Variants in CCDC3 observed in about 807,000 individuals in gnomAD.
The protein encoded by CCDC3 is coiled-coil domain-containing protein 3.
A neutral mutation model predicts 21.4 loss-of-function variants in CCDC3; 24 were observed. The observed-to-expected ratio is 1.12, with a 90% CI of 0.81 to 1.58. The LOEUF is 1.58. Among genes scored for constraint, CCDC3 ranks in the 40% most tolerant of loss-of-function variants. The pLI is 0.00. For missense variants in CCDC3, 425 were observed against 360.9 expected (o/e 1.18, Z -1.44); for synonymous variants, 186 against 166.0 (o/e 1.12, Z -0.93).
At chr10:13,039,481 T>C (rs780472573) in intron 5 of CCDC3, among the ~76,000 whole-genome samples, 4 of 152,192 alleles carry the variant, frequency 2.6e-5, no homozygotes, top group South Asian at 2.1e-4. Flanking sequence ...TTTGGTTATT[T>C]ACACTGGAAT....
chr10:12,982,403 G>T (rs1835512373), intron 2 of CCDC3, among the ~76,000 whole-genome samples: 1 of 151,804 alleles, frequency 6.6e-6, no homozygotes, highest in Non-Finnish European at 1.5e-5. Context: ...AGATGAAAAA[G>T]TTCTAGAAAT....
At chr10:12,982,119 CT>C (rs1215971535) in intron 2 of CCDC3, among the ~76,000 whole-genome samples, 1 of 47,958 alleles carries the variant, frequency 2.1e-5, no homozygotes, top group Non-Finnish European at 3.2e-5. Context: ...GAGACTCTGT[CT>C]CAAAAAAAAA....
intron 2 of CCDC3, among the ~76,000 whole-genome samples, chr10:12,985,085 A>G (rs1049621837): frequency 2.6e-5 from 4 of 152,216 alleles, no homozygotes; most frequent in Admixed American, 6.5e-5. Flanking sequence ...TACTCTACCC[A>G]AAAACTTTTA....
At chr10:12,942,487 C>T (rs905804802) in intron 2 of CCDC3, among the ~76,000 whole-genome samples, 3 of 152,150 alleles carry the variant, frequency 2.0e-5, no homozygotes, top group Non-Finnish European at 4.4e-5. Context: ...GAAGCTTGCA[C>T]GGGTGAATGC....
intron 2 of CCDC3, among the ~76,000 whole-genome samples, chr10:12,994,953 T>A (rs1753263329): frequency 1.3e-5 from 2 of 151,796 alleles, no homozygotes; most frequent in South Asian, 4.2e-4. Context: ...TGATGGCACA[T>A]ACCTGTAATC....
At chr10:13,055,061 G>A (rs1200836475) in intron 4 of CCDC3, among the ~76,000 whole-genome samples, 1 of 152,202 alleles carries the variant, frequency 6.6e-6, no homozygotes, top group Non-Finnish European at 1.5e-5. Flanking sequence ...GCAGGCAGCT[G>A]CAAACAAGTG....
At chr10:12,989,835 G>C (rs1446399092) in intron 2 of CCDC3, among the ~76,000 whole-genome samples, 1 of 152,122 alleles carries the variant, frequency 6.6e-6, no homozygotes, top group Non-Finnish European at 1.5e-5. Flanking sequence ...GCAACAGCAA[G>C]GCAAGTTAAA....
At chr10:13,072,163 G>A (rs1167620893) in intron 4 of CCDC3, among the ~76,000 whole-genome samples, 2 of 152,054 alleles carry the variant, frequency 1.3e-5, no homozygotes, top group Non-Finnish European at 1.5e-5. Flanking sequence ...TTTGATATAT[G>A]TTTCCTAATA....
chr10:13,040,947 G>A (rs762027421), intron 5 of CCDC3, among the ~76,000 whole-genome samples: 1 of 152,066 alleles, frequency 6.6e-6, no homozygotes, highest in Non-Finnish European at 1.5e-5. Flanking sequence ...TTAAGACCTT[G>A]AGAATCTTTC....
intron 4 of CCDC3, chr10:13,058,758 A>T (rs1836714851): frequency 4.6e-6 from 1 of 215,580 alleles, no homozygotes; most frequent in Non-Finnish European, 9.2e-6. Flanking sequence ...GTAAATATGT[A>T]TGAATTTTTA....
chr10:12,928,607 C>G (rs1013315180), intron 2 of CCDC3, among the ~76,000 whole-genome samples: 2 of 152,172 alleles, frequency 1.3e-5, no homozygotes, highest in Non-Finnish European at 2.9e-5. Context: ...TCCTGTTAGA[C>G]GTGTATATTT....
chr10:13,072,672 T>A (rs935236898), intron 4 of CCDC3, among the ~76,000 whole-genome samples: 3 of 140,282 alleles, frequency 2.1e-5, no homozygotes, highest in Non-Finnish European at 3.2e-5. Flanking sequence ...CTTTGCTGAG[T>A]TTTTTCTTTT....
At chr10:13,017,272 T>G (rs1246671207) in intron 5 of CCDC3, among the ~76,000 whole-genome samples, 1 of 151,772 alleles carries the variant, frequency 6.6e-6, no homozygotes, top group Non-Finnish European at 1.5e-5. Context: ...ATCCCAGTAC[T>G]TTGGGAGGCC....
At chr10:12,937,357 T>C (rs1057050335) in intron 2 of CCDC3, among the ~76,000 whole-genome samples, 1 of 152,192 alleles carries the variant, frequency 6.6e-6, no homozygotes, top group Non-Finnish European at 1.5e-5. Context: ...CATTTCCTTT[T>C]AGTATGTGTG....
intron 5 of CCDC3, among the ~76,000 whole-genome samples, chr10:13,032,797 C>T (rs990460689): frequency 1.2e-4 from 19 of 152,090 alleles, no homozygotes; most frequent in African/African-American, 3.6e-4. Context: ...ATGTGAAGGA[C>T]CTCTTCAAGA....
At position 13,092,343 on chromosome 10, in the gene CCDC3, C is replaced by T. The variant is rs183666204; in HGVS notation, c.-503+6182G>A. On this transcript the variant is annotated intron_variant, in intron 3 of 6. Transcript: ENST00000378839. ...AAGTTCTAAATTTATGTAAGATCAG[C>T]TTTTGAAGTCTCTGAAATCGTTGCA... Among the ~76,000 whole-genome samples, 161 of 152,272 alleles carry T rather than the reference C, an allele frequency of 1.1e-3. 1 individual carries two copies. Among genetic ancestry groups the T allele is most frequent in the African/African-American group, 3.7e-3 (152 of 41,540 alleles).
At chr10:13,007,994 A>G (rs918359015) in intron 5 of CCDC3, among the ~76,000 whole-genome samples, 3 of 152,174 alleles carry the variant, frequency 2.0e-5, no homozygotes, top group Non-Finnish European at 4.4e-5. Flanking sequence ...GGGTGAGGGC[A>G]TCAATGCAGA....
intron 4 of CCDC3, among the ~76,000 whole-genome samples, chr10:13,071,470 G>C (rs912216105): frequency 2.2e-4 from 34 of 152,204 alleles, no homozygotes; most frequent in African/African-American, 6.3e-4. Context: ...CCCATTACAC[G>C]GATAAAGGTC....
At chr10:12,915,784 A>G (rs1834343751) in intron 2 of CCDC3, among the ~76,000 whole-genome samples, 1 of 152,190 alleles carries the variant, frequency 6.6e-6, no homozygotes. Flanking sequence ...CTAGGTTCAC[A>G]GAAACTGACA....
Sources: allele counts gnomAD v4.1 joint callset (sites outside exome capture counted in the v4.1 genomes callset), GRCh38; gene constraint gnomAD v4.1.1; transcripts MANE v1.5; gene names NCBI Gene and HGNC (gene_info 2026-07-23, HGNC 2026-07-21).